COLGALT2: variants seen among roughly 807,000 people sequenced by gnomAD.
The protein encoded by COLGALT2 is procollagen galactosyltransferase 2.
A neutral mutation model predicts 73.4 loss-of-function variants in COLGALT2; 49 were observed. The observed-to-expected ratio is 0.67, with a 90% CI of 0.53 to 0.85. The LOEUF (loss-of-function observed/expected upper bound fraction) is 0.85, where lower values mean the gene tolerates loss of function less well. Ranked by LOEUF, COLGALT2 falls within the 40% of genes least tolerant of loss-of-function variation. The probability of loss-of-function intolerance (pLI) is 0.00; values close to 1 mark genes in which losing one functional copy is unlikely to be tolerated. For synonymous variants in COLGALT2, 295 were observed against 307.6 expected (o/e 0.96, Z 0.43); for missense variants, 722 against 790.2 (o/e 0.91, Z 1.03).
At chr1:183,981,158 C>T (rs373147756) in intron 1 of COLGALT2, among the ~76,000 whole-genome samples, 2 of 152,096 alleles carry the variant, frequency 1.3e-5, no homozygotes, top group East Asian at 3.9e-4. Context: ...TCGTAATATT[C>T]CCATGGAACA....
intron 1 of COLGALT2, among the ~76,000 whole-genome samples, chr1:183,995,439 AAAAT>A (rs1671745715): frequency 1.3e-5 from 2 of 152,242 alleles, no homozygotes; most frequent in African/African-American, 4.8e-5. Flanking sequence ...CAAACTCAGT[AAAAT>A]AAACATCCTC....
At chr1:183,955,926 T>G (rs1670543875) in intron 6 of COLGALT2, among the ~76,000 whole-genome samples, 1 of 152,186 alleles carries the variant, frequency 6.6e-6, no homozygotes. Flanking sequence ...AAGTTTATAG[T>G]GTGGTGCTGC....
At chr1:183,999,454 C>T (rs190991546) in intron 1 of COLGALT2, among the ~76,000 whole-genome samples, 15 of 152,042 alleles carry the variant, frequency 9.9e-5, no homozygotes, top group African/African-American at 3.1e-4. Flanking sequence ...TTTAGTATTA[C>T]GTTATGTTAA....
At chr1:183,929,725 C>T (rs1438150858), downstream of COLGALT2, 1 of 153,492 alleles carries the variant, frequency 6.5e-6, no homozygotes, top group Non-Finnish European at 1.5e-5. Context: ...CCTACATTTC[C>T]ACTAGGCAAA....
intron 1 of COLGALT2, among the ~76,000 whole-genome samples, chr1:184,026,480 A>G (rs1219539767): frequency 6.6e-6 from 1 of 152,224 alleles, no homozygotes; most frequent in Non-Finnish European, 1.5e-5. Context: ...ATGCAGTTAT[A>G]ATAATGCTGC....
At chr1:183,963,706 C>T (rs1670784676) in intron 6 of COLGALT2, among the ~76,000 whole-genome samples, 195 bp downstream of exon 6, 1 of 152,186 alleles carries the variant, frequency 6.6e-6, no homozygotes, top group Admixed American at 6.5e-5. Context: ...GAAGCTCCCA[C>T]ATGGCAAAGA....
chr1:183,990,426 G>GT (rs1287565031), intron 1 of COLGALT2, among the ~76,000 whole-genome samples: 3 of 152,232 alleles, frequency 2.0e-5, no homozygotes, highest in Non-Finnish European at 2.9e-5. Flanking sequence ...TTGCTGGAAA[G>GT]CAACACCTTG....
intron 1 of COLGALT2, among the ~76,000 whole-genome samples, chr1:183,987,233 T>C (rs1671513029): frequency 6.6e-6 from 1 of 152,214 alleles, no homozygotes; most frequent in African/African-American, 2.4e-5. Context: ...GTTTTCGTTC[T>C]CCTTTGGCCC....
rs184333474 is a variant in COLGALT2 at position 183,964,379 on chromosome 1, G to A, written c.833-359C>T. On this transcript the variant is annotated intron_variant, in intron 5 of 11. Transcript: ENST00000361927. Reference sequence around the variant, plus strand: ...AATGGAACACTGTAATCCACCTACAGGAAATAACAAGAAAATGAGGAATGA... The same window carrying A: ...AATGGAACACTGTAATCCACCTACAAGAAATAACAAGAAAATGAGGAATGA... 9.5e-4 allele frequency: 296 copies of A among 310,744 alleles called. 2 individuals carry two copies. Among genetic ancestry groups the A allele is most frequent in the Non-Finnish European group, 1.5e-3 (254 of 171,102 alleles). 19.2% of individuals were successfully genotyped at this position (310,744 alleles called of 1,614,324 possible). A position where few individuals can be genotyped will look rare whatever the true frequency, so the allele number is the denominator to read the frequency against.
downstream of COLGALT2, among the ~76,000 whole-genome samples, chr1:183,933,088 A>G (rs772113177): frequency 3.6e-4 from 55 of 152,048 alleles, 2 homozygotes; most frequent in Admixed American, 2.0e-3. Flanking sequence ...CACCAACTCA[A>G]TCTCTCCCAT....
intron 4 of COLGALT2, among the ~76,000 whole-genome samples, chr1:183,972,270 GTTAA>G (rs1311390525): frequency 2.0e-5 from 3 of 152,076 alleles, no homozygotes; most frequent in Admixed American, 2.0e-4. Flanking sequence ...ACCACAACTG[GTTAA>G]TTTTTTGATT....
chr1:183,991,619 A>G (rs935574926), intron 1 of COLGALT2, among the ~76,000 whole-genome samples: 1 of 152,084 alleles, frequency 6.6e-6, no homozygotes, highest in Non-Finnish European at 1.5e-5. Context: ...TTTGCTTTGA[A>G]TTTACCTGCT....
At position 183,954,818 on chromosome 1, in the gene COLGALT2, G is replaced by A; in HGVS notation, c.973C>T (p.Pro325Ser). 2.5e-6 allele frequency: 4 copies of A among 1,613,318 alleles called. No homozygotes were observed. The change falls in exon 7 of 12, where the codon CCC becomes TCC. Residue 325 changes from proline (P) to serine (S), a missense_variant. Physicochemically the swap from Pro to Ser is moderately conservative, Grantham distance 74. Transcript: ENST00000361927. ...EAMIDRPPME[P>S]SQYVSVVPKY... The stretch of plus-strand genomic sequence containing the variant: ...GGGACAACTGAGACATACTGGGAGG[G>A]TTCCATTGGAGGACGGTCAACTGGA...
intron 1 of COLGALT2, among the ~76,000 whole-genome samples, chr1:184,000,922 C>T (rs980505656): frequency 6.6e-6 from 1 of 151,416 alleles, no homozygotes; most frequent in Non-Finnish European, 1.5e-5. Flanking sequence ...CTCTGCCTCC[C>T]GGGTTCACGC....
rs1290787862 is a variant in COLGALT2, at chr1:183,938,196, GA to G, written c.*564del. On this transcript the variant is annotated 3_prime_UTR_variant, in exon 12 of 12. Coordinates refer to ENST00000361927, the MANE Select transcript of COLGALT2 (RefSeq NM_015101.4). ...ACCCCTACTGGATAACAGGGACTAA[GA>G]TTTTTTTTTTTTAAAAAATCTACTT... is the stretch of plus-strand genomic sequence containing the variant. 5.3e-6 allele frequency: 5 copies of G among 947,024 alleles called. No homozygotes were observed. The highest frequency in any genetic ancestry group is 6.2e-6 in the Non-Finnish European group (5 of 811,938). 58.7% of individuals were successfully genotyped at this position (947,024 alleles called of 1,614,324 possible).
Position 183,951,053 on chromosome 1 carries a change from A to G in COLGALT2, c.1090T>C (p.Tyr364His), listed in dbSNP as rs199998827. Residue 364 changes from tyrosine (Y) to histidine (H), a missense_variant, in exon 8 of 12, where the codon TAT becomes CAT. Coordinates refer to ENST00000361927, the MANE Select transcript of COLGALT2 (RefSeq NM_015101.4). The part of the protein sequence containing the change: ...DRRDRMLRTL[Y>H]EQEIEVKIVE... ...ATCTTGACCTCAATCTCCTGTTCAT[A>G]CAGTGTGCGCAGCATCCGGTCCCGC... The G allele has an allele frequency of 2.0e-4, 329 of 1,613,930 alleles. 4 individuals are homozygous for G. The East Asian group carries it at 7.2e-3, about 35-fold the overall frequency.
At chr1:184,009,914 G>A (rs138591184) in intron 1 of COLGALT2, among the ~76,000 whole-genome samples, 53 of 152,300 alleles carry the variant, frequency 3.5e-4, no homozygotes, top group Non-Finnish European at 6.0e-4. Flanking sequence ...AGAGAGCTAA[G>A]TAACACGAAA....
chr1:183,979,370 T>C (rs1221164504), intron 1 of COLGALT2, among the ~76,000 whole-genome samples: 2 of 152,056 alleles, frequency 1.3e-5, no homozygotes, highest in South Asian at 2.1e-4. Context: ...CGAGGTAGAA[T>C]TCAGGCCAAA....
At chr1:183,959,271 T>C (rs1670633689) in intron 6 of COLGALT2, among the ~76,000 whole-genome samples, 1 of 152,200 alleles carries the variant, frequency 6.6e-6, no homozygotes, top group South Asian at 2.1e-4. Context: ...AATATCCTTC[T>C]GATGCTGATG....
Sources: gnomAD v4.1 joint callset for allele counts (sites outside exome capture counted in the v4.1 genomes callset) on GRCh38, gnomAD v4.1.1 for gene constraint, MANE v1.5 for transcripts, NCBI Gene and HGNC (gene_info 2026-07-23, HGNC 2026-07-21) for gene names.